Variants in MTMR2 observed in about 807,000 individuals in gnomAD.
MTMR2 encodes the protein myotubularin related protein 2.
In MTMR2, 55 loss-of-function variants were observed where a neutral mutation model predicts 86.9. The ratio of observed to expected loss-of-function variants is 0.63; its 90% confidence interval spans 0.51 to 0.79. The LOEUF (loss-of-function observed/expected upper bound fraction) is 0.79, where lower values mean the gene tolerates loss of function less well. Among genes scored for constraint, MTMR2 ranks in the 30% least tolerant of loss-of-function variants. The pLI is 0.00. For missense variants in MTMR2, 659 were observed against 772.3 expected, an observed-to-expected ratio of 0.85 and a Z score of 1.74; for synonymous variants, 241 against 266.8, an observed-to-expected ratio of 0.90 and a Z score of 0.94.
intron 7 of MTMR2, among the ~76,000 whole-genome samples, chr11:95,851,779 T>C (rs1283818229): frequency 6.6e-6 from 1 of 152,232 alleles, no homozygotes; most frequent in Non-Finnish European, 1.5e-5. Flanking sequence ...TGAGGTATTA[T>C]AATACTAATG....
chr11:95,872,956 G>A (rs1296589864), intron 2 of MTMR2, among the ~76,000 whole-genome samples: 1 of 152,190 alleles, frequency 6.6e-6, no homozygotes, highest in Admixed American at 6.5e-5. Flanking sequence ...ACATCCCAGG[G>A]ATGTACATCC....
chr11:95,897,738 A>C (rs879575862), intron 1 of MTMR2, among the ~76,000 whole-genome samples: 13 of 152,062 alleles, frequency 8.5e-5, no homozygotes, highest in Non-Finnish European at 1.8e-4. Context: ...AGAGAGAGAG[A>C]CCTCCTAACA....
chr11:95,893,657 C>T (rs551602106), intron 1 of MTMR2, among the ~76,000 whole-genome samples: 6 of 152,220 alleles, frequency 3.9e-5, no homozygotes, highest in African/African-American at 1.4e-4. Context: ...ATCAGCTAGG[C>T]CCAACACAGT....
intron 7 of MTMR2, among the ~76,000 whole-genome samples, chr11:95,853,812 G>A (rs1402904881): frequency 6.6e-6 from 1 of 152,142 alleles, no homozygotes; most frequent in Non-Finnish European, 1.5e-5. Flanking sequence ...ATAAATCAGT[G>A]AACCACAGGA....
chr11:95,838,199 G>A lies in MTMR2; in HGVS notation c.1488C>T (p.Thr496=), dbSNP rs112327353. ...CVWQMTRQFP[T]AFEFNEYFLI... ...GAAAATACTCATTGAATTCAAATGC[G>A]GTAGGAAACTGCAAATCAAACATCA... Residue 496 remains threonine, a synonymous_variant, in exon 13 of 15, where the codon ACC becomes ACT. Transcript: ENST00000346299. The A allele has an allele frequency of 3.8e-4, 598 of 1,574,660 alleles. No individual in the cohort carries two copies. In the African/African-American group the frequency reaches 6.8e-3, roughly 18 times the overall value.
intron 7 of MTMR2, among the ~76,000 whole-genome samples, chr11:95,856,161 T>C (rs1254335843): frequency 1.3e-5 from 2 of 152,230 alleles, no homozygotes; most frequent in East Asian, 1.9e-4. Flanking sequence ...ACAAGCTTTG[T>C]AGGCATGAAA....
intron 2 of MTMR2, among the ~76,000 whole-genome samples, chr11:95,875,194 C>T (rs1170807731): frequency 6.6e-6 from 1 of 152,166 alleles, no homozygotes; most frequent in Non-Finnish European, 1.5e-5. Context: ...AGAATGTTTT[C>T]CAACTTGGTT....
chr11:95,900,818 C>T (rs1565381250), intron 1 of MTMR2, among the ~76,000 whole-genome samples: 1 of 152,202 alleles, frequency 6.6e-6, no homozygotes, highest in Non-Finnish European at 1.5e-5. Flanking sequence ...ACATGAGAAT[C>T]ATTAATAACA....
intron 7 of MTMR2, among the ~76,000 whole-genome samples, chr11:95,855,322 C>G (rs1352778026): frequency 1.3e-5 from 2 of 152,164 alleles, no homozygotes; most frequent in Non-Finnish European, 2.9e-5. Context: ...GTGGCACATT[C>G]ACAGCTCACC....
chr11:95,848,618 C>T (rs534175590), intron 9 of MTMR2, among the ~76,000 whole-genome samples: 4 of 152,150 alleles, frequency 2.6e-5, no homozygotes, highest in Non-Finnish European at 5.9e-5. Context: ...CTACCTAACT[C>T]GTGTAAAATT....
In MTMR2 at chr11:95,845,045, T is replaced by C. The variant is rs1306530965; in HGVS notation, c.1294A>G (p.Met432Val). 1.2e-5 allele frequency: 20 copies of C among 1,613,986 alleles called. No homozygotes were observed. The highest frequency in any genetic ancestry group is 1.7e-5 in the Non-Finnish European group (20 of 1,179,900). ...CGATAGTATCCATCCAACATGAGCA[T>C]GGCAAGGGAAGTGAGCTGAGCTGTG... Reference protein sequence around the residue: ...DRTAQLTSLAMLMLDGYYRTI... With the variant: ...DRTAQLTSLAVLMLDGYYRTI... The change falls in exon 11 of 15, where the codon ATG (methionine) becomes GTG (valine). Residue 432 changes from methionine (M) to valine (V), a missense_variant. Around this residue, in one of 3 missense-constraint regions of MTMR2, gnomAD observed 387 missense variants for 526.3 expected, o/e 0.74. Transcript: ENST00000346299.
chr11:95,882,967 C>T (rs1054963620), intron 2 of MTMR2, among the ~76,000 whole-genome samples: 5 of 136,450 alleles, frequency 3.7e-5, no homozygotes, highest in Non-Finnish European at 4.5e-5. Flanking sequence ...AGGATGGTCT[C>T]GATCTCCTGA....
At chr11:95,854,276 C>T (rs1864129928) in intron 7 of MTMR2, among the ~76,000 whole-genome samples, 1 of 152,184 alleles carries the variant, frequency 6.6e-6, no homozygotes, top group South Asian at 2.1e-4. Flanking sequence ...CACTGCCCTT[C>T]AGTATCCACT....
chr11:95,843,346 A>C (rs1235345239), intron 11 of MTMR2, among the ~76,000 whole-genome samples: 1 of 152,318 alleles, frequency 6.6e-6, no homozygotes, highest in South Asian at 2.1e-4. Flanking sequence ...GTATTTTCCA[A>C]ATAACCAATA....
chr11:95,916,260 T>C (rs1041144095), intron 1 of MTMR2, among the ~76,000 whole-genome samples: 3 of 152,150 alleles, frequency 2.0e-5, no homozygotes, highest in Non-Finnish European at 4.4e-5. Flanking sequence ...CCTCCAAATT[T>C]AGCTCAGCAC....
intron 1 of MTMR2, among the ~76,000 whole-genome samples, chr11:95,918,992 C>A (rs1469572991): frequency 6.6e-6 from 1 of 152,168 alleles, no homozygotes; most frequent in Admixed American, 6.5e-5. Flanking sequence ...CATGCACTAC[C>A]ATGCCCAGCT....
intron 1 of MTMR2, among the ~76,000 whole-genome samples, chr11:95,923,260 A>G (rs1301746956): frequency 2.0e-5 from 3 of 152,226 alleles, no homozygotes; most frequent in Non-Finnish European, 4.4e-5. Context: ...GGGGATAAAA[A>G]CCACTCAGAT....
At chr11:95,837,964 ATAT>A in intron 13 of MTMR2, 127 bp downstream of exon 13, 1 of 692,446 alleles carries the variant, frequency 1.4e-6, no homozygotes, top group Non-Finnish European at 2.7e-6. Flanking sequence ...GAAGCCCTCA[ATAT>A]TATAGCATGT....
chr11:95,905,349 A>ACACG (rs1565383959), intron 1 of MTMR2, among the ~76,000 whole-genome samples: 7 of 151,792 alleles, frequency 4.6e-5, no homozygotes, highest in Admixed American at 2.0e-4. Context: ...ACACACACAC[A>ACACG]CACACACACA....
Sources: gnomAD v4.1 joint callset for allele counts (sites outside exome capture counted in the v4.1 genomes callset) on GRCh38, gnomAD v4.1.1 for gene constraint, gnomAD v4.1.1 regional missense constraint, MANE v1.5 for transcripts, NCBI Gene and HGNC (gene_info 2026-07-23, HGNC 2026-07-21) for gene names.